Variants in FRY observed in about 807,000 individuals in gnomAD.
The protein encoded by FRY is protein furry homolog.
Under a neutral mutation model 348.4 loss-of-function variants are expected in FRY, and 128 were observed. That is an observed-to-expected ratio of 0.37 (90% confidence interval 0.32 to 0.43). FRY has a LOEUF of 0.43. Ranked by LOEUF, FRY falls within the 20% of genes least tolerant of loss-of-function variation. The pLI, the probability that FRY is intolerant of heterozygous loss-of-function variation, is 1.00. For missense variants in FRY, 2,736 were observed against 3,695.2 expected (o/e 0.74, Z 6.73); for synonymous variants, 1,370 against 1,374.7 (o/e 1.00, Z 0.08).
rs1038573776 is a variant in FRY at position 32,149,962 on chromosome 13, T to C, written c.1479+128T>C. The C allele has an allele frequency of 5.8e-6, 4 of 690,186 alleles. No individual in the cohort carries two copies. In the African/African-American group the frequency reaches 7.2e-5, roughly 12 times the overall value. The allele number at this position is 690,186 out of a possible 1,614,324, so 42.8% of individuals were successfully genotyped here. On this transcript the variant is annotated intron_variant, in intron 14 of 60. Coordinates refer to ENST00000542859, the MANE Select transcript of FRY (RefSeq NM_023037.3). ...AGTCTTCTATTTGTTTCTGTCAATG[T>C]CCAAATTCAGATGATGGTGGAATTT...
intron 34 of FRY, among the ~76,000 whole-genome samples, chr13:32,211,625 C>A (rs139125541): frequency 6.6e-6 from 1 of 152,090 alleles, no homozygotes; most frequent in East Asian, 1.9e-4. Flanking sequence ...TTTCTGGATC[C>A]CCCTTCTTGT....
intron 2 of FRY, among the ~76,000 whole-genome samples, chr13:32,085,104 G>A (rs1875772088): frequency 6.6e-6 from 1 of 152,098 alleles, no homozygotes; most frequent in African/African-American, 2.4e-5. Context: ...TCTGTTCTTT[G>A]CACAGATGAA....
intron 41 of FRY, among the ~76,000 whole-genome samples, chr13:32,232,248 A>C (rs1885956778): frequency 6.6e-6 from 1 of 152,256 alleles, no homozygotes; most frequent in Non-Finnish European, 1.5e-5. Flanking sequence ...TGAAAATAAT[A>C]AACATGAGAA....
At position 32,136,861 on chromosome 13, in the gene FRY, T is replaced by G; in HGVS notation, c.1078-10T>G. 2 of 1,467,448 alleles carry G rather than the reference T, an allele frequency of 1.4e-6. No individual in the cohort carries two copies. The highest frequency in any genetic ancestry group is 1.9e-6 in the Non-Finnish European group (2 of 1,046,132). The allele number at this position is 1,467,448 out of a possible 1,614,324, so 90.9% of individuals were successfully genotyped here. ...AAATGATCCTGTGACCTCCTCTCCT[T>G]TCTCCTCAGGCCTTGTACCCCCTGG... On this transcript the variant is annotated splice_polypyrimidine_tract_variant and intron_variant, in intron 10 of 60. Transcript: ENST00000542859.
intron 19 of FRY, 61 bp from the exon 20 acceptor site, chr13:32,175,485 G>A (rs934046595): frequency 1.8e-5 from 18 of 974,082 alleles, no homozygotes; most frequent in South Asian, 7.7e-5. Flanking sequence ...AGACGAAGGC[G>A]GTGGGGTGGG....
In FRY at chr13:32,178,831, T is replaced by C. The variant is rs754826549; in HGVS notation, c.2682-13T>C. 17 of 1,586,590 alleles carry C rather than the reference T, an allele frequency of 1.1e-5. No homozygotes were observed. In the South Asian group the frequency reaches 1.8e-4, roughly 17 times the overall value. ...ACTTAGTTTCACTCTTGTTTTCGAC[T>C]CCATATTTCTAGTAGCCCAATTAAT... On this transcript the variant is annotated splice_polypyrimidine_tract_variant and intron_variant, in intron 21 of 60. Transcript: ENST00000542859.
chr13:32,234,048 G>T (rs1361579650), intron 41 of FRY, among the ~76,000 whole-genome samples: 1 of 151,036 alleles, frequency 6.6e-6, no homozygotes, highest in Non-Finnish European at 1.5e-5. Flanking sequence ...AACTCAGTAG[G>T]CTGAGGCAGG....
chr13:32,047,581 T>TG (rs34683478), intron 1 of FRY, among the ~76,000 whole-genome samples: 58,771 of 140,646 alleles, frequency 0.42, 14,647 homozygotes, highest in Non-Finnish European at 0.55. Context: ...TCTTTTTTTT[T>TG]GGGGGGGGTG....
At chr13:32,213,701 G>A (rs1342820120) in intron 35 of FRY, among the ~76,000 whole-genome samples, 1 of 152,058 alleles carries the variant, frequency 6.6e-6, no homozygotes, top group Non-Finnish European at 1.5e-5. Flanking sequence ...ATCATTTATT[G>A]TTTTGTCTGA....
At chr13:32,234,538 A>G (rs1423605874) in intron 41 of FRY, 36 bp from the exon 42 acceptor site, 4 of 1,586,872 alleles carry the variant, frequency 2.5e-6, no homozygotes, top group Non-Finnish European at 3.5e-6. Flanking sequence ...CATGTAGAGT[A>G]GAGACTGACC....
intron 23 of FRY, among the ~76,000 whole-genome samples, chr13:32,181,139 C>G (rs1882682404): frequency 6.6e-6 from 1 of 151,926 alleles, no homozygotes; most frequent in Non-Finnish European, 1.5e-5. Context: ...ATCTGCCCAC[C>G]CCGGCCTCCC....
chr13:32,082,940 G>A (rs1373977880), intron 2 of FRY, among the ~76,000 whole-genome samples: 1 of 151,724 alleles, frequency 6.6e-6, no homozygotes, highest in Non-Finnish European at 1.5e-5. Context: ...TTATTTTCTT[G>A]TTGGAGACTC....
chr13:32,158,951 C>CAAAAA (rs35585320), intron 16 of FRY, among the ~76,000 whole-genome samples: 176 of 32,734 alleles, frequency 5.4e-3, no homozygotes, highest in African/African-American at 9.2e-3. Flanking sequence ...GCTGTTTCCT[C>CAAAAA]AAAAAAAAAA....
intron 1 of FRY, among the ~76,000 whole-genome samples, chr13:32,073,941 C>T (rs1874841559): frequency 6.6e-6 from 1 of 152,124 alleles, no homozygotes; most frequent in Non-Finnish European, 1.5e-5. Flanking sequence ...GGAGGGTAGT[C>T]TGTCCTGGAA....
chr13:32,101,277 G>A (rs1175209469), intron 2 of FRY, among the ~76,000 whole-genome samples: 2 of 152,162 alleles, frequency 1.3e-5, no homozygotes, highest in African/African-American at 4.8e-5. Flanking sequence ...GTTCGTCCAT[G>A]TTGTCAAAAA....
chr13:32,136,217 C>T (rs1242381849), intron 10 of FRY, among the ~76,000 whole-genome samples: 1 of 152,172 alleles, frequency 6.6e-6, no homozygotes, highest in South Asian at 2.1e-4. Flanking sequence ...TGATTTTTTT[C>T]GGTGGCTGTT....
chr13:32,276,634 G>A lies in FRY; in HGVS notation c.8385+72G>A. On this transcript the variant is annotated intron_variant, in intron 57 of 60. Coordinates refer to ENST00000542859, the MANE Select transcript of FRY (RefSeq NM_023037.3). ...GAACCCAACCACTCTGAGTTCTTGG[G>A]CGGGGTTGTGATTAACTTAAGACTT... The A allele has an allele frequency of 7.3e-6, 6 of 822,378 alleles. No homozygotes were observed. In the Admixed American group the frequency reaches 8.5e-5, roughly 12 times the overall value. 50.9% of individuals were successfully genotyped at this position (822,378 alleles called of 1,614,324 possible).
At chr13:32,100,683 G>C (rs1409186651) in intron 2 of FRY, among the ~76,000 whole-genome samples, 2 of 152,024 alleles carry the variant, frequency 1.3e-5, no homozygotes, top group Non-Finnish European at 2.9e-5. Flanking sequence ...GTCCATTCAG[G>C]CTGCTATAAC....
intron 19 of FRY, among the ~76,000 whole-genome samples, 165 bp from the exon 20 acceptor site, chr13:32,175,381 G>A (rs981202186): frequency 3.3e-5 from 5 of 152,122 alleles, no homozygotes; most frequent in African/African-American, 1.2e-4. Flanking sequence ...CAGAAACACA[G>A]GAGTTTTACT....
Sources: gnomAD v4.1 joint callset for allele counts (sites outside exome capture counted in the v4.1 genomes callset) on GRCh38, gnomAD v4.1.1 for gene constraint, MANE v1.5 for transcripts, NCBI Gene and HGNC (gene_info 2026-07-23, HGNC 2026-07-21) for gene names.